Variants in CSGALNACT1 observed in about 807,000 individuals in gnomAD.
CSGALNACT1 encodes the protein chondroitin sulfate N-acetylgalactosaminyltransferase 1.
CSGALNACT1 carries 52 observed loss-of-function variants against 51.0 expected under a neutral mutation model. The ratio of observed to expected loss-of-function variants is 1.02; its 90% CI spans 0.82 to 1.29. CSGALNACT1 has a LOEUF of 1.29. CSGALNACT1 is among the 50% of genes most tolerant of loss of function. The pLI is 0.00. For synonymous variants in CSGALNACT1, 341 were observed against 254.4 expected, an observed-to-expected ratio of 1.34 and a Z score of -3.24; for missense variants, 935 against 679.2, an observed-to-expected ratio of 1.38 and a Z score of -4.19.
chr8:19,565,605 G>A (rs1270435405), intron 3 of CSGALNACT1, among the ~76,000 whole-genome samples: 1 of 152,156 alleles, frequency 6.6e-6, no homozygotes, highest in African/African-American at 2.4e-5. Context: ...ACTGAAAACA[G>A]AGCACCTCTA....
At chr8:19,515,667 C>T (rs1477237537) in intron 3 of CSGALNACT1, among the ~76,000 whole-genome samples, 5 of 152,328 alleles carry the variant, frequency 3.3e-5, no homozygotes, top group African/African-American at 1.2e-4. Context: ...TGAAAGCACA[C>T]TGATCACAAC....
At chr8:19,718,332 A>C (rs10097017) in intron 1 of CSGALNACT1, among the ~76,000 whole-genome samples, 115,033 of 151,948 alleles carry the variant, frequency 0.76, 43,654 homozygotes, top group East Asian at 0.86. Flanking sequence ...GAACTCCTGA[A>C]CTCAAGTGAT....
intron 1 of CSGALNACT1, among the ~76,000 whole-genome samples, chr8:19,754,039 C>T (rs181794723): frequency 9.5e-6 from 1 of 105,686 alleles, no homozygotes; most frequent in Admixed American, 9.4e-5. Flanking sequence ...AATGTGGCTC[C>T]ATTTTCTTTT....
chr8:19,673,584 C>A (rs918977941), intron 1 of CSGALNACT1, among the ~76,000 whole-genome samples: 17 of 152,164 alleles, frequency 1.1e-4, no homozygotes, highest in Non-Finnish European at 2.1e-4. Context: ...ATCTTTAATT[C>A]CCATCGCTAT....
At chr8:19,599,110 T>G (rs116918334) in intron 2 of CSGALNACT1, among the ~76,000 whole-genome samples, 1 of 149,408 alleles carries the variant, frequency 6.7e-6, no homozygotes, top group East Asian at 2.0e-4. Context: ...CAGGAACAGG[T>G]GGAGACAAAA....
At chr8:19,570,075 G>A (rs557016983) in intron 3 of CSGALNACT1, among the ~76,000 whole-genome samples, 4 of 150,846 alleles carry the variant, frequency 2.7e-5, no homozygotes, top group South Asian at 2.1e-4. Context: ...ATGGAAGGGA[G>A]GGTAGATTGG....
chr8:19,461,911 C>T (rs113584530), intron 4 of CSGALNACT1, among the ~76,000 whole-genome samples: 4,249 of 149,834 alleles, frequency 0.028, 311 homozygotes, highest in African/African-American at 0.1. Context: ...AGGGTGTATC[C>T]GCACAGCACC....
rs186234179 is a variant in CSGALNACT1, at chr8:19,418,579, G to A, written c.1227+77C>T. 98 of 940,074 alleles carry A rather than the reference G, an allele frequency of 1.0e-4. No homozygotes were observed. In the African/African-American group the frequency reaches 1.5e-3, roughly 14 times the overall value. 58.2% of individuals were successfully genotyped at this position (940,074 alleles called of 1,614,324 possible). The stretch of plus-strand genomic sequence containing the variant: ...ATTGCACAGATTTCTACTCACCTTT[G>A]CTCATGGTCAGGTACCCCTGGTAAT... On this transcript the variant is annotated intron_variant, in intron 8 of 9. Coordinates refer to ENST00000454498, the Ensembl canonical transcript of CSGALNACT1.
intron 1 of CSGALNACT1, among the ~76,000 whole-genome samples, chr8:19,625,124 A>G (rs1589113793): frequency 1.3e-5 from 2 of 152,308 alleles, no homozygotes; most frequent in South Asian, 4.1e-4. Context: ...TTGGCCAGAA[A>G]GAGTATCACA....
At chr8:19,482,192 A>G (rs4922037) in intron 4 of CSGALNACT1, among the ~76,000 whole-genome samples, 119,956 of 152,190 alleles carry the variant, frequency 0.79, 47,481 homozygotes, top group East Asian at 0.86. Flanking sequence ...GTTCGGTGAT[A>G]ATGGACATGT....
intron 5 of CSGALNACT1, among the ~76,000 whole-genome samples, chr8:19,448,183 G>C (rs2062468890): frequency 6.6e-6 from 1 of 152,078 alleles, no homozygotes; most frequent in Non-Finnish European, 1.5e-5. Flanking sequence ...GAGAGAGAGT[G>C]GGAAAAATTG....
chr8:19,591,693 G>A (rs2047855745), intron 2 of CSGALNACT1, among the ~76,000 whole-genome samples: 1 of 152,132 alleles, frequency 6.6e-6, no homozygotes, highest in Non-Finnish European at 1.5e-5. Flanking sequence ...GGAGGCTGAG[G>A]CAGGAGGATC....
At chr8:19,702,940 TACAC>T (rs750918232) in intron 1 of CSGALNACT1, among the ~76,000 whole-genome samples, 24 of 151,964 alleles carry the variant, frequency 1.6e-4, no homozygotes, top group Non-Finnish European at 3.1e-4. Flanking sequence ...CTTCTTCCCC[TACAC>T]CCCTCTTAGC....
At chr8:19,645,215 T>A (rs1310673249) in intron 1 of CSGALNACT1, among the ~76,000 whole-genome samples, 3 of 152,212 alleles carry the variant, frequency 2.0e-5, no homozygotes. Flanking sequence ...AAGGGAACAA[T>A]GTGCTGGATT....
At chr8:19,741,817 G>A (rs572097161) in intron 1 of CSGALNACT1, among the ~76,000 whole-genome samples, 1 of 152,260 alleles carries the variant, frequency 6.6e-6, no homozygotes, top group Admixed American at 6.5e-5. Context: ...GGTAATGCTA[G>A]CTTTATTATA....
At chr8:19,448,097 G>C (rs2062453089) in intron 5 of CSGALNACT1, among the ~76,000 whole-genome samples, 1 of 152,200 alleles carries the variant, frequency 6.6e-6, no homozygotes, top group African/African-American at 2.4e-5. Flanking sequence ...ATCTGCACAT[G>C]TGTGAGTTAT....
intron 1 of CSGALNACT1, among the ~76,000 whole-genome samples, chr8:19,718,790 A>G (rs537774004): frequency 2.0e-5 from 3 of 152,028 alleles, no homozygotes; most frequent in Admixed American, 2.0e-4. Context: ...ATTTGCATCC[A>G]CTCTACCCTT....
At chr8:19,668,351 C>CACAG (rs757464731) in intron 1 of CSGALNACT1, among the ~76,000 whole-genome samples, 1 of 151,844 alleles carries the variant, frequency 6.6e-6, no homozygotes, top group African/African-American at 2.4e-5. Context: ...TACACACACA[C>CACAG]ACACACACAA....
chr8:19,428,551 T>G (rs1386439202), intron 6 of CSGALNACT1, among the ~76,000 whole-genome samples: 2 of 152,088 alleles, frequency 1.3e-5, no homozygotes, highest in Non-Finnish European at 2.9e-5. Context: ...GAGCTACAGT[T>G]CAAGATGAGA....
Sources: gnomAD v4.1 joint callset for allele counts (sites outside exome capture counted in the v4.1 genomes callset) on GRCh38, gnomAD v4.1.1 for gene constraint, MANE v1.5 for transcripts, NCBI Gene and HGNC (gene_info 2026-07-23, HGNC 2026-07-21) for gene names.